The following CDHR2 variants were observed in gnomAD, a reference collection of about 807,000 sequenced individuals.
CDHR2 encodes the protein cadherin-related family member 2.
CDHR2 carries 104 observed loss-of-function variants against 138.6 expected under a neutral mutation model. The observed-to-expected ratio is 0.75, with a 90% CI of 0.64 to 0.88. The LOEUF is 0.88. CDHR2 is among the 40% of genes least tolerant of loss of function. The pLI is 0.00. For missense variants in CDHR2, 1,624 were observed against 1,727.6 expected, an observed-to-expected ratio of 0.94 and a Z score of 1.06; for synonymous variants, 755 against 742.8, an observed-to-expected ratio of 1.02 and a Z score of -0.27.
chr5:176,565,831 G>A lies in CDHR2; in HGVS notation c.124+88G>A, dbSNP rs149166623. 3,293 of 918,818 alleles carry A rather than the reference G, an allele frequency of 3.6e-3. 26 individuals are homozygous for A. Among genetic ancestry groups the A allele is most frequent in the Middle Eastern group, 5.9e-3 (26 of 4,414 alleles). 56.9% of individuals were successfully genotyped at this position (918,818 alleles called of 1,614,324 possible). ...GCCCTCTGGAGCCCCCACCATGCCT[G>A]CAACTCCATGGCTTATTGTGGGACA... On this transcript the variant is annotated intron_variant, in intron 3 of 31. Transcript: ENST00000261944.
At chr5:176,591,574 GTGA>G in intron 30 of CDHR2, 90 bp downstream of exon 30, 1 of 986,974 alleles carries the variant, frequency 1.0e-6, no homozygotes, top group Non-Finnish European at 1.6e-6. Flanking sequence ...GGTGATGATG[GTGA>G]TGACAATGGT....
rs34485432 is a variant in CDHR2 at position 176,578,417 on chromosome 5, G to A, written c.1627G>A (p.Gly543Ser). ...CTCAGGGACGGTGACGGTGAGGAAC[G>A]GTGAGCTGCTGGACCGGGAGAGCCA... ...PVSGTVTVRNGELLDRESQAV... is the reference protein window; with the variant it reads ...PVSGTVTVRNSELLDRESQAV... The change falls in exon 16 of 32, where the codon GGT (glycine) becomes AGT (serine). Residue 543 changes from glycine to serine, a missense_variant. Coordinates refer to ENST00000261944, the MANE Select transcript of CDHR2 (RefSeq NM_017675.6). 2,699 of 1,614,034 alleles carry A rather than the reference G, an allele frequency of 1.7e-3. 43 individuals are homozygous for A. The African/African-American group carries it at 0.029, about 17-fold the overall frequency.
chr5:176,556,030 CT>C (rs1561866075), intron 1 of CDHR2, among the ~76,000 whole-genome samples: 1 of 152,174 alleles, frequency 6.6e-6, no homozygotes, highest in Admixed American at 6.5e-5. Flanking sequence ...CTCAACCTGC[CT>C]CCCTCCCATG....
chr5:176,569,473 G>A (rs1198500123), intron 5 of CDHR2, among the ~76,000 whole-genome samples: 3 of 151,874 alleles, frequency 2.0e-5, no homozygotes, highest in South Asian at 2.1e-4. Flanking sequence ...TAGTAGAGAC[G>A]GGGTTTCACT....
At chr5:176,588,274 G>A (rs1216864700) in intron 21 of CDHR2, among the ~76,000 whole-genome samples, 1 of 132,620 alleles carries the variant, frequency 7.5e-6, no homozygotes, top group East Asian at 1.9e-4. Context: ...GTATGTGAAT[G>A]TGTGTGACAG....
chr5:176,573,250 T>A (rs942177011), intron 6 of CDHR2, among the ~76,000 whole-genome samples: 8 of 151,268 alleles, frequency 5.3e-5, no homozygotes, highest in African/African-American at 1.7e-4. Context: ...TGGACTGTGA[T>A]CTGGGCAGAA....
At chr5:176,560,122 C>T (rs1301234199) in intron 1 of CDHR2, among the ~76,000 whole-genome samples, 2 of 152,176 alleles carry the variant, frequency 1.3e-5, no homozygotes, top group African/African-American at 4.8e-5. Context: ...AATGGCTGGG[C>T]GCAGTGGCTC....
At chr5:176,577,924 G>T in intron 14 of CDHR2, 110 bp from the exon 15 acceptor site, 1 of 1,484,254 alleles carries the variant, frequency 6.7e-7, no homozygotes, top group Non-Finnish European at 9.2e-7. Context: ...AGTGTGCTGG[G>T]GATTCTCCCT....
chr5:176,564,537 A>G (rs1243839004), intron 1 of CDHR2, among the ~76,000 whole-genome samples: 2 of 152,188 alleles, frequency 1.3e-5, no homozygotes, highest in Admixed American at 6.5e-5. Context: ...TCTCTGTGAC[A>G]GTGAATCAAA....
chr5:176,552,132 G>A (rs1196385036), intron 1 of CDHR2, among the ~76,000 whole-genome samples: 1 of 152,210 alleles, frequency 6.6e-6, no homozygotes, highest in East Asian at 1.9e-4. Flanking sequence ...GGGAAAAGCG[G>A]GTGCCTGTCC....
rs1758434998 is a variant in CDHR2, at chr5:176,577,924, G to A, written c.1513-110G>A. 7 of 1,484,134 alleles carry A rather than the reference G, an allele frequency of 4.7e-6. No homozygotes were observed. In the South Asian group the frequency reaches 6.3e-5, roughly 13 times the overall value. The allele number at this position is 1,484,134 out of a possible 1,614,324, so 91.9% of individuals were successfully genotyped here. A position where few individuals can be genotyped will look rare whatever the true frequency, so the allele number is the denominator to read the frequency against. Reference sequence around the variant, plus strand: ...CCATGAGTGAATCTGAGTGTGCTGGGGATTCTCCCTTTGTGTGAGGAAGCA... The same window carrying A: ...CCATGAGTGAATCTGAGTGTGCTGGAGATTCTCCCTTTGTGTGAGGAAGCA... On this transcript the variant is annotated intron_variant, in intron 14 of 31. Coordinates refer to ENST00000261944, the MANE Select transcript of CDHR2 (RefSeq NM_017675.6).
chr5:176,551,529 C>T lies in CDHR2; in HGVS notation c.-16+2115C>T, dbSNP rs150284650. Among the ~76,000 whole-genome samples, 730 of 151,954 alleles carry T rather than the reference C, an allele frequency of 4.8e-3. 8 individuals carry two copies. The highest frequency in any genetic ancestry group is 0.017 in the African/African-American group (689 of 41,442). On this transcript the variant is annotated intron_variant, in intron 1 of 31. Coordinates refer to ENST00000261944, the MANE Select transcript of CDHR2 (RefSeq NM_017675.6). ...TTTTTGAGACAAGGTCTTGCTCTGT[C>T]GCCCAGGCTGGCGTGCAGTGGCGCG... is the stretch of plus-strand genomic sequence containing the variant.
At position 176,581,377 on chromosome 5, in the gene CDHR2, G is replaced by T; in HGVS notation, c.1853G>T (p.Ser618Ile). 6.2e-7 allele frequency: 1 copy of T among 1,613,852 alleles called. No individual in the cohort carries two copies. Residue 618 changes from serine to isoleucine, a missense_variant, in exon 17 of 32, where the codon AGC (serine) becomes ATC (isoleucine). Ser to Ile is a moderately radical substitution (Grantham distance 142). Transcript: ENST00000261944. ...AATGATGAGCCGGGCACCAACAACA[G>T]CCGTCTGCTCTTCAACCTGCTGCCT... Reference protein sequence around the residue: ...HDNDEPGTNNSRLLFNLLPGP... With the variant: ...HDNDEPGTNNIRLLFNLLPGP...
At chr5:176,568,219 A>C (rs1187225222) in intron 3 of CDHR2, among the ~76,000 whole-genome samples, 2 of 152,228 alleles carry the variant, frequency 1.3e-5, no homozygotes, top group Non-Finnish European at 2.9e-5. Context: ...TGCTGTGCCC[A>C]GGCATGCAGT....
At chr5:176,588,904 G>T in intron 21 of CDHR2, 127 bp from the exon 22 acceptor site, 1 of 901,018 alleles carries the variant, frequency 1.1e-6, no homozygotes, top group South Asian at 1.6e-5. Flanking sequence ...ATTCGGGGCA[G>T]CGTGGGGATG....
intron 28 of CDHR2, 29 bp from the exon 29 acceptor site, chr5:176,591,181 A>AGT (rs773311400): frequency 6.8e-7 from 1 of 1,477,264 alleles, no homozygotes; most frequent in South Asian, 1.1e-5. Flanking sequence ...GTGCAGCAAC[A>AGT]GTGTGACCCC....
chr5:176,578,413 G>A lies in CDHR2; in HGVS notation c.1623G>A (p.Arg541=). The A allele has an allele frequency of 6.2e-7, 1 of 1,614,094 alleles. No homozygotes were observed. The highest frequency in any genetic ancestry group is 8.5e-7 in the Non-Finnish European group (1 of 1,180,012). ...CCGTCTCAGGGACGGTGACGGTGAG[G>A]AACGGTGAGCTGCTGGACCGGGAGA... The part of the protein sequence containing the change: ...VDPVSGTVTV[R]NGELLDRESQ... The change falls in exon 16 of 32, where the codon AGG becomes AGA. Residue 541 remains arginine (R), a synonymous_variant. Coordinates refer to ENST00000261944, the MANE Select transcript of CDHR2 (RefSeq NM_017675.6).
chr5:176,590,017 A>G, intron 24 of CDHR2, 61 bp from the exon 25 acceptor site: 1 of 1,366,274 alleles, frequency 7.3e-7, no homozygotes, highest in African/African-American at 1.4e-5. Context: ...CCACTGGCAC[A>G]GCCCTGGCCA....
Position 176,590,688 on chromosome 5 carries a change from G to T in CDHR2, c.3539+1G>T, listed in dbSNP as rs774525732. On this transcript the variant is annotated splice_donor_variant, in intron 28 of 31. Transcript: ENST00000261944. LOFTEE classifies it high-confidence loss of function. The stretch of plus-strand genomic sequence containing the variant: ...TGGCCTTCGTGTGTGTGCGGAAGAG[G>T]TGCGGCTCCCATTGCCCCCGTGTCT... The T allele has an allele frequency of 9.4e-5, 152 of 1,612,856 alleles. No homozygotes were observed. The highest frequency in any genetic ancestry group is 1.2e-4 in the Non-Finnish European group (145 of 1,180,010).
Sources: allele counts gnomAD v4.1 joint callset (sites outside exome capture counted in the v4.1 genomes callset), GRCh38; gene constraint gnomAD v4.1.1; transcripts MANE v1.5; gene names NCBI Gene and HGNC (gene_info 2026-07-23, HGNC 2026-07-21).